Variants in MACROD2 observed in about 807,000 individuals in gnomAD.
MACROD2 encodes ADP-ribose glycohydrolase MACROD2.
MACROD2 carries 36 observed loss-of-function variants against 70.4 expected under a neutral mutation model. That is an observed-to-expected ratio of 0.51 (90% CI 0.39 to 0.68). The LOEUF (loss-of-function observed/expected upper bound fraction) is 0.68, where lower values mean the gene tolerates loss of function less well. MACROD2 is among the 30% of genes least tolerant of loss of function. The pLI is 0.00. For synonymous variants in MACROD2, 172 were observed against 178.8 expected (o/e 0.96, Z 0.30); for missense variants, 496 against 538.4 (o/e 0.92, Z 0.78).
At chr20:15,680,061 C>T (rs750985987) in intron 8 of MACROD2, among the ~76,000 whole-genome samples, 9 of 152,080 alleles carry the variant, frequency 5.9e-5, no homozygotes, top group South Asian at 2.1e-4. Context: ...CCATGGAACC[C>T]GTGGGGACAG....
At chr20:15,231,712 T>C (rs2076960769) in intron 6 of MACROD2, among the ~76,000 whole-genome samples, 1 of 152,042 alleles carries the variant, frequency 6.6e-6, no homozygotes. Flanking sequence ...AGGTAAGCAA[T>C]GGAAGAATTA....
At chr20:15,638,020 G>C (rs1163783244) in intron 8 of MACROD2, among the ~76,000 whole-genome samples, 3 of 151,102 alleles carry the variant, frequency 2.0e-5, no homozygotes, top group African/African-American at 7.2e-5. Flanking sequence ...AAAATGACAG[G>C]AAGGCCCAGA....
chr20:14,333,406 A>G (rs1269552524), intron 3 of MACROD2, among the ~76,000 whole-genome samples: 1 of 152,200 alleles, frequency 6.6e-6, no homozygotes, highest in Non-Finnish European at 1.5e-5. Context: ...CCGTCAGCAT[A>G]GTGAATGCTG....
intron 7 of MACROD2, among the ~76,000 whole-genome samples, chr20:15,482,212 A>T (rs1311097636): frequency 6.6e-6 from 1 of 152,214 alleles, no homozygotes; most frequent in Non-Finnish European, 1.5e-5. Context: ...TTACTCTTAA[A>T]GAACAAACTC....
intron 5 of MACROD2, among the ~76,000 whole-genome samples, chr20:15,184,356 CCT>C (rs1394914645): frequency 1.3e-5 from 2 of 151,676 alleles, no homozygotes; most frequent in East Asian, 3.9e-4. Flanking sequence ...TCCACTGCCC[CCT>C]GTTTTTACCT....
chr20:15,761,498 A>G (rs1354535880), intron 8 of MACROD2, among the ~76,000 whole-genome samples: 1 of 152,246 alleles, frequency 6.6e-6, no homozygotes. Context: ...AATCGCTTCA[A>G]TGATCTGATC....
chr20:15,918,593 G>A (rs1334920775), intron 10 of MACROD2, among the ~76,000 whole-genome samples: 1 of 152,128 alleles, frequency 6.6e-6, no homozygotes. Context: ...CATAAAACAG[G>A]GAAATTGGGT....
chr20:14,872,345 T>C (rs1160390838), intron 5 of MACROD2, among the ~76,000 whole-genome samples: 1 of 152,124 alleles, frequency 6.6e-6, no homozygotes, highest in Non-Finnish European at 1.5e-5. Context: ...ACATTGCTAT[T>C]GCCAAGTTCT....
chr20:15,303,290 C>G (rs1358085214), intron 6 of MACROD2, among the ~76,000 whole-genome samples: 3 of 152,176 alleles, frequency 2.0e-5, no homozygotes, highest in Non-Finnish European at 2.9e-5. Flanking sequence ...CAATACCTTG[C>G]TGGACCCCAC....
At chr20:15,747,718 C>T (rs562479655) in intron 8 of MACROD2, among the ~76,000 whole-genome samples, 24 of 152,080 alleles carry the variant, frequency 1.6e-4, no homozygotes, top group African/African-American at 3.1e-4. Context: ...AGATTTTCCA[C>T]GGAGATGATC....
intron 3 of MACROD2, among the ~76,000 whole-genome samples, chr20:14,256,062 A>G (rs1204314360): frequency 6.6e-6 from 1 of 151,930 alleles, no homozygotes; most frequent in Non-Finnish European, 1.5e-5. Context: ...TTAGTTGCTC[A>G]CATCTAGGAC....
At chr20:15,031,317 G>A (rs889212058) in intron 5 of MACROD2, among the ~76,000 whole-genome samples, 1 of 152,160 alleles carries the variant, frequency 6.6e-6, no homozygotes, top group Non-Finnish European at 1.5e-5. Context: ...TCTCCTTCCC[G>A]TCGCTGGCAA....
At chr20:14,594,181 C>G (rs62202903) in intron 4 of MACROD2, among the ~76,000 whole-genome samples, 28,069 of 152,116 alleles carry the variant, frequency 0.18, 3,340 homozygotes, top group Non-Finnish European at 0.26. Context: ...TTTCCTCTAC[C>G]CTCTTCAACC....
intron 5 of MACROD2, among the ~76,000 whole-genome samples, chr20:14,795,236 T>G (rs1028436230): frequency 2.0e-5 from 3 of 152,092 alleles, no homozygotes; most frequent in African/African-American, 7.2e-5. Context: ...TCATGAAAGC[T>G]GATTTATAGT....
intron 4 of MACROD2, among the ~76,000 whole-genome samples, chr20:14,637,043 T>G (rs903654388): frequency 6.6e-6 from 1 of 152,182 alleles, no homozygotes; most frequent in Non-Finnish European, 1.5e-5. Flanking sequence ...TTTCATACTC[T>G]ACAAACAAGA....
At chr20:15,830,972 A>T (rs2064049818) in intron 8 of MACROD2, among the ~76,000 whole-genome samples, 2 of 152,214 alleles carry the variant, frequency 1.3e-5, no homozygotes, top group African/African-American at 4.8e-5. Context: ...TTGTTGGGCC[A>T]TGTGGTCTAA....
intron 12 of MACROD2, among the ~76,000 whole-genome samples, chr20:15,953,550 A>C (rs1248611992): frequency 6.6e-6 from 1 of 152,224 alleles, no homozygotes; most frequent in Non-Finnish European, 1.5e-5. Flanking sequence ...CTAAAAAAGG[A>C]AACACGCATA....
intron 8 of MACROD2, among the ~76,000 whole-genome samples, chr20:15,675,284 T>C (rs2146845294): frequency 6.6e-6 from 1 of 152,358 alleles, no homozygotes; most frequent in Non-Finnish European, 1.5e-5. Flanking sequence ...TAATTACAAG[T>C]TCTGTCTAGC....
chr20:14,588,943 A>C (rs541577272), intron 4 of MACROD2, among the ~76,000 whole-genome samples: 1 of 152,292 alleles, frequency 6.6e-6, no homozygotes, highest in South Asian at 2.1e-4. Flanking sequence ...GACATTTAAA[A>C]ACATTTTTGA....
Sources: gnomAD v4.1 joint callset for allele counts (sites outside exome capture counted in the v4.1 genomes callset) on GRCh38, gnomAD v4.1.1 for gene constraint, MANE v1.5 for transcripts, NCBI Gene and HGNC (gene_info 2026-07-23, HGNC 2026-07-21) for gene names.